TRERF1: variants seen among roughly 807,000 people sequenced by gnomAD.
The protein encoded by TRERF1 is transcriptional-regulating factor 1.
A neutral mutation model predicts 122.9 loss-of-function variants in TRERF1; 27 were observed. The ratio of observed to expected loss-of-function variants is 0.22; its 90% CI spans 0.16 to 0.30. TRERF1 has a LOEUF of 0.30. TRERF1 is among the 10% of genes least tolerant of loss of function. TRERF1 has a pLI of 1.00. For synonymous variants in TRERF1, 636 were observed against 641.7 expected, an observed-to-expected ratio of 0.99 and a Z score of 0.13; for missense variants, 1,248 against 1,560.3, an observed-to-expected ratio of 0.80 and a Z score of 3.37.
At chr6:42,295,432 T>A (rs1308435244) in intron 4 of TRERF1, among the ~76,000 whole-genome samples, 1 of 152,200 alleles carries the variant, frequency 6.6e-6, no homozygotes, top group East Asian at 1.9e-4. Context: ...GCCGCAGGAC[T>A]TCTGAGGGCT....
rs986965998 is a variant in TRERF1 at position 42,440,275 on chromosome 6, T to C, written c.-454+10902A>G. 2.6e-5 allele frequency among the ~76,000 whole-genome samples: 4 copies of C among 152,260 alleles called. No individual in the cohort carries two copies. The East Asian group carries it at 7.7e-4, about 29-fold the overall frequency. ...TCTAGAGGTCTGTACATAGCAAGTA[T>C]ACAGTGACTAGGCAATTTCTAAAGG... On this transcript the variant is annotated intron_variant, in intron 2 of 17. Transcript: ENST00000372922.
chr6:42,268,521 T>C lies in TRERF1; in HGVS notation c.1070A>G (p.Gln357Arg). ...AGTGTGTGCCTGCTCTGGGGTATACTGGTGAGGGTCCCTGTGATAAGAAGG... is the reference window on the plus strand; with the variant it reads ...AGTGTGTGCCTGCTCTGGGGTATACCGGTGAGGGTCCCTGTGATAAGAAGG... Residue 357 changes from glutamine (Q) to arginine (R), a missense_variant, in exon 5 of 18, where the codon CAG becomes CGG. Gln to Arg is a conservative substitution (Grantham distance 43). Coordinates refer to ENST00000372922, the Ensembl canonical transcript of TRERF1. The surrounding 1 kb of genome is among the most constrained non-coding windows in gnomAD (Gnocchi z 4.4). 1.2e-6 allele frequency: 2 copies of C among 1,613,966 alleles called. No homozygotes were observed. The highest frequency in any genetic ancestry group is 1.7e-6 in the Non-Finnish European group (2 of 1,179,950).
intron 3 of TRERF1, among the ~76,000 whole-genome samples, chr6:42,338,375 C>G (rs116634113): frequency 6.6e-6 from 1 of 152,072 alleles, no homozygotes; most frequent in Non-Finnish European, 1.5e-5. Flanking sequence ...GGTCACGGGA[C>G]GTGGGTAGGG....
chr6:42,282,984 C>A (rs1282309817), intron 4 of TRERF1, among the ~76,000 whole-genome samples: 3 of 152,136 alleles, frequency 2.0e-5, no homozygotes, highest in African/African-American at 7.2e-5. Flanking sequence ...GCCAACAGTA[C>A]TACAACTAAT....
chr6:42,250,518 A>C (rs1171964031), intron 13 of TRERF1, among the ~76,000 whole-genome samples: 1 of 152,118 alleles, frequency 6.6e-6, no homozygotes, highest in African/African-American at 2.4e-5. Context: ...CATCTTGGAC[A>C]AAGTCCAGGA....
At chr6:42,316,264 T>C (rs778773636) in intron 3 of TRERF1, among the ~76,000 whole-genome samples, 7 of 152,300 alleles carry the variant, frequency 4.6e-5, no homozygotes, top group Middle Eastern at 3.4e-3. Flanking sequence ...CCAGAGAGGC[T>C]GGTCTGCCTC....
intron 3 of TRERF1, among the ~76,000 whole-genome samples, chr6:42,303,543 C>T (rs1291889166): frequency 2.0e-5 from 3 of 152,142 alleles, no homozygotes; most frequent in African/African-American, 7.2e-5. Context: ...GGAGAGAAGG[C>T]TCTTAATCAG....
chr6:42,301,734 T>C lies in TRERF1; in HGVS notation c.-370-985A>G, dbSNP rs572461180. ...CGACTCAATTTCTGAACTTATCTCA[T>C]GGACCGCTAAAGAGTTTGCAGAGAG... On this transcript the variant is annotated intron_variant, in intron 3 of 17. Coordinates refer to ENST00000372922, the Ensembl canonical transcript of TRERF1. Among the ~76,000 whole-genome samples the C allele has an allele frequency of 2.0e-5, 3 of 152,374 alleles. No individual in the cohort carries two copies. In the East Asian group the frequency reaches 5.8e-4, roughly 29 times the overall value.
intron 4 of TRERF1, among the ~76,000 whole-genome samples, chr6:42,283,909 C>T (rs1321254528): frequency 6.6e-6 from 1 of 151,856 alleles, no homozygotes; most frequent in Non-Finnish European, 1.5e-5. Flanking sequence ...AGCCACTGCA[C>T]CCTGGCCAAA....
intron 2 of TRERF1, among the ~76,000 whole-genome samples, chr6:42,373,559 C>T (rs1475112308): frequency 2.6e-5 from 4 of 152,060 alleles, no homozygotes; most frequent in African/African-American, 4.8e-5. Flanking sequence ...CCCAGCTACT[C>T]GGGAGGCTAA....
chr6:42,361,000 G>T (rs181761483), intron 3 of TRERF1, among the ~76,000 whole-genome samples: 1 of 152,076 alleles, frequency 6.6e-6, no homozygotes, highest in Non-Finnish European at 1.5e-5. Context: ...AATGGGAAAC[G>T]AGCTTCTATG....
chr6:42,242,163 C>T (rs1773876422), intron 15 of TRERF1, among the ~76,000 whole-genome samples: 1 of 152,190 alleles, frequency 6.6e-6, no homozygotes, highest in Non-Finnish European at 1.5e-5. Flanking sequence ...TAACAACACG[C>T]TCAGCAGCTG....
chr6:42,243,294 C>A, exon 15 of TRERF1: 1 of 1,614,178 alleles, frequency 6.2e-7, no homozygotes, highest in South Asian at 1.1e-5. Context: ...GTGTTTCCGC[C>A]CCAGCCGCAT....
chr6:42,389,852 A>G (rs1358100264), intron 2 of TRERF1, among the ~76,000 whole-genome samples: 1 of 152,224 alleles, frequency 6.6e-6, no homozygotes, highest in Non-Finnish European at 1.5e-5. Context: ...CAGAAGCTTC[A>G]TTTCTCAGGA....
chr6:42,239,667 C>G (rs1456483634), intron 15 of TRERF1, among the ~76,000 whole-genome samples: 1 of 152,112 alleles, frequency 6.6e-6, no homozygotes, highest in Non-Finnish European at 1.5e-5. Flanking sequence ...CCCAGGCAGG[C>G]CCCGAGGACA....
intron 14 of TRERF1, among the ~76,000 whole-genome samples, chr6:42,244,247 C>T (rs554457682): frequency 2.2e-4 from 33 of 152,028 alleles, no homozygotes; most frequent in Non-Finnish European, 3.7e-4. Flanking sequence ...TGCAATGGCA[C>T]GATCTCGGCT....
rs374343075 is a variant in TRERF1, at chr6:42,236,187, C to A, written c.3066+18G>T. ...CTCTCACTTGTCCCAGATCCCCAGA[C>A]GACACAGACACACTTACAGCCCCAC... On this transcript the variant is annotated intron_variant, in intron 16 of 17. Transcript: ENST00000372922. 1 of 1,545,634 alleles carries A rather than the reference C, an allele frequency of 6.5e-7. No individual in the cohort carries two copies. The highest frequency in any genetic ancestry group is 1.3e-5 in the South Asian group (1 of 78,494).
At chr6:42,331,486 C>T (rs951895909) in intron 3 of TRERF1, among the ~76,000 whole-genome samples, 8 of 152,142 alleles carry the variant, frequency 5.3e-5, no homozygotes, top group Admixed American at 6.5e-5. Context: ...GGTTCCTGCT[C>T]GGGATTAACT....
At chr6:42,437,335 C>T (rs759709505) in intron 2 of TRERF1, among the ~76,000 whole-genome samples, 9 of 152,244 alleles carry the variant, frequency 5.9e-5, no homozygotes, top group Non-Finnish European at 7.3e-5. Flanking sequence ...GCACCCATCG[C>T]GCCCAAAGCC....
Sources: allele counts gnomAD v4.1 joint callset (sites outside exome capture counted in the v4.1 genomes callset), GRCh38; gene constraint gnomAD v4.1.1; non-coding constraint Gnocchi (gnomAD v3.1); transcripts MANE v1.5; gene names NCBI Gene and HGNC (gene_info 2026-07-23, HGNC 2026-07-21).